Variants in POLA2 observed in about 807,000 individuals in gnomAD.
POLA2 encodes the protein DNA polymerase alpha subunit B.
Under a neutral mutation model 82.8 loss-of-function variants are expected in POLA2, and 47 were observed. That is an observed-to-expected ratio of 0.57 (90% CI 0.45 to 0.72). POLA2 has a LOEUF of 0.72. Among genes scored for constraint, POLA2 ranks in the 30% least tolerant of loss-of-function variants. The pLI is 0.00. For synonymous variants in POLA2, 287 were observed against 286.8 expected, an observed-to-expected ratio of 1.00 and a Z score of -0.01; for missense variants, 634 against 728.1, an observed-to-expected ratio of 0.87 and a Z score of 1.49.
At chr11:65,292,184 C>T (rs888432290) in intron 13 of POLA2, among the ~76,000 whole-genome samples, 2 of 152,064 alleles carry the variant, frequency 1.3e-5, no homozygotes, top group Admixed American at 6.5e-5. Flanking sequence ...TGCAATGAGC[C>T]GAGATCGCAC....
intron 14 of POLA2, 95 bp from the exon 15 acceptor site, chr11:65,294,451 G>A (rs1166472099): frequency 1.2e-5 from 13 of 1,124,850 alleles, no homozygotes; most frequent in South Asian, 2.7e-5. Context: ...CCCCCTTTCC[G>A]TGGTCTCCCC....
chr11:65,266,642 C>G lies in POLA2; in HGVS notation c.140C>G (p.Ala47Gly), dbSNP rs200613332. ...GAGGGAATGGTAGGCGAGCTTATAG[C>G]CTTCTGCACCAGCACACATAAAGTT... ...NEEGMVGELI[A>G]FCTSTHKVGL... The change falls in exon 2 of 18, where the codon GCC (alanine) becomes GGC (glycine). Residue 47 changes from alanine to glycine, a missense_variant. Physicochemically the swap from Ala to Gly is moderately conservative, Grantham distance 60 (BLOSUM62 0). Coordinates refer to ENST00000265465, the MANE Select transcript of POLA2 (RefSeq NM_002689.4). The G allele has an allele frequency of 1.1e-4, 178 of 1,613,736 alleles. No homozygotes were observed. Among genetic ancestry groups the G allele is most frequent in the Non-Finnish European group, 1.4e-4 (165 of 1,179,732 alleles).
chr11:65,287,906 T>G, intron 11 of POLA2, 66 bp downstream of exon 11: 2 of 1,510,114 alleles, frequency 1.3e-6, no homozygotes, highest in Non-Finnish European at 1.8e-6. Flanking sequence ...AAGTTCTAAA[T>G]TTTTAGGAAG....
rs373673074 is a variant in POLA2 at position 65,267,482 on chromosome 11, G to C, written c.210G>C (p.Leu70=). 12 of 1,604,548 alleles carry C rather than the reference G, an allele frequency of 7.5e-6. No individual in the cohort carries two copies. The highest frequency in any genetic ancestry group is 1.0e-5 in the Non-Finnish European group (12 of 1,174,266). ...CACTATCTTTTCTTTTTCAGTTTCT[G>C]AGCAAAAGATTATCGAAAGCCAGGC... is the stretch of plus-strand genomic sequence containing the variant. ...EILNSFEHEF[L]SKRLSKARHS... Residue 70 remains leucine, a synonymous_variant, in exon 3 of 18, where the codon CTG becomes CTC. Transcript: ENST00000265465.
At chr11:65,268,828 G>C in intron 4 of POLA2, 99 bp downstream of exon 4, 1 of 700,558 alleles carries the variant, frequency 1.4e-6, no homozygotes, top group Non-Finnish European at 2.4e-6. Context: ...CCACTCTCAT[G>C]CATTTCCTAC....
chr11:65,304,871 C>G (rs1949878359), intron 8 of POLA2, among the ~76,000 whole-genome samples: 1 of 152,166 alleles, frequency 6.6e-6, no homozygotes, highest in Non-Finnish European at 1.5e-5. Context: ...AGCACACGAA[C>G]AGGGCACGTG....
chr11:65,304,912 A>G (rs971068320), intron 8 of POLA2, among the ~76,000 whole-genome samples: 7 of 152,100 alleles, frequency 4.6e-5, no homozygotes, highest in Non-Finnish European at 7.4e-5. Context: ...GTCTATCACC[A>G]TGTGGTGTGG....
Position 65,294,552 on chromosome 11 carries a change from C to T in POLA2, c.1360C>T (p.Gln454Ter). The T allele has an allele frequency of 1.2e-6, 2 of 1,610,880 alleles. No individual in the cohort carries two copies. The highest frequency in any genetic ancestry group is 1.7e-6 in the Non-Finnish European group (2 of 1,177,580). Reference protein sequence around the residue: ...DLSREDKKQVQFVSEPCSLSI... With the variant: ...DLSREDKKQV ...CAATCCGTTCTCATTTTAGCAAGTA[C>T]AGTTTGTGTCCGAGCCCTGCAGCCT... is the stretch of plus-strand genomic sequence containing the variant. Residue 454 changes from glutamine to a stop codon, truncating the protein, a stop_gained, in exon 15 of 18, where the codon CAG (glutamine) becomes TAG (stop). Transcript: ENST00000265465. LOFTEE classifies it high-confidence loss of function.
At chr11:65,279,723 G>A in intron 7 of POLA2, 97 bp downstream of exon 7, 2 of 875,966 alleles carry the variant, frequency 2.3e-6, no homozygotes, top group Non-Finnish European at 3.7e-6. Flanking sequence ...CTTCTTGTCT[G>A]TGTTCTAGTT....
chr11:65,299,021 C>T (rs1421699734), downstream of POLA2, among the ~76,000 whole-genome samples: 2 of 152,254 alleles, frequency 1.3e-5, no homozygotes, highest in African/African-American at 4.8e-5. Context: ...GCCTCTGCCA[C>T]CAGACAGTTC....
In POLA2 at chr11:65,280,987, G is replaced by A. The variant is rs1326575969; in HGVS notation, c.745-5G>A. ...CATTCTTATGCTGTGACCTTCCTTT[G>A]GTAGGAGCCTGTCACTCTGCTGGGC... On this transcript the variant is annotated splice_polypyrimidine_tract_variant and splice_region_variant and intron_variant, in intron 7 of 17. Transcript: ENST00000265465. The A allele has an allele frequency of 6.2e-7, 1 of 1,613,286 alleles. No individual in the cohort carries two copies. The highest frequency in any genetic ancestry group is 8.5e-7 in the Non-Finnish European group (1 of 1,179,782).
chr11:65,301,302 A>G (rs1176537702), downstream of POLA2, among the ~76,000 whole-genome samples: 3 of 152,266 alleles, frequency 2.0e-5, no homozygotes, highest in Non-Finnish European at 4.4e-5. Flanking sequence ...TCTGCCCCAG[A>G]GAATCTTGGA....
chr11:65,289,758 A>G, intron 12 of POLA2, 41 bp from the exon 13 acceptor site: 1 of 1,338,596 alleles, frequency 7.5e-7, no homozygotes, highest in Non-Finnish European at 1.1e-6. Flanking sequence ...ATAAACACCA[A>G]ACATCTGCCG....
In POLA2 at chr11:65,266,700, G is replaced by A; in HGVS notation, c.198G>A (p.Glu66=). 1 of 1,614,078 alleles carries A rather than the reference G, an allele frequency of 6.2e-7. No individual in the cohort carries two copies. Among genetic ancestry groups the A allele is most frequent in the Non-Finnish European group, 8.5e-7 (1 of 1,179,976 alleles). The change falls in exon 2 of 18, where the codon GAG becomes GAA. Residue 66 remains glutamate, a synonymous_variant. Transcript: ENST00000265465. The part of the protein sequence containing the change: ...GLTSEILNSF[E]HEFLSKRLSK... ...CCTCAGAGATCCTGAACTCTTTTGAGCATGAGGTAAGAACAAAATGAAAGC... is the reference window on the plus strand; with the variant it reads ...CCTCAGAGATCCTGAACTCTTTTGAACATGAGGTAAGAACAAAATGAAAGC...
chr11:65,294,909 A>G, intron 15 of POLA2: 1 of 352,948 alleles, frequency 2.8e-6, no homozygotes, highest in Non-Finnish European at 5.1e-6. Flanking sequence ...TTTGCACTTA[A>G]AGGCATCAAA....
chr11:65,266,492 G>A (rs374013470), intron 1 of POLA2, 90 bp from the exon 2 acceptor site: 23 of 1,343,464 alleles, frequency 1.7e-5, no homozygotes, highest in East Asian at 1.7e-4. Flanking sequence ...AATAAACATT[G>A]ATGGAGTAAA....
chr11:65,278,870 C>CT lies in POLA2; in HGVS notation c.602_603insT (p.Leu202ThrfsTer22). ...CTGAAGGTCTTGGGATGTCCAGAGG[C>CT]ACTAACTGGGAGCTACAAATCCATG... On this transcript the variant is annotated frameshift_variant, in exon 6 of 18. Coordinates refer to ENST00000265465, the MANE Select transcript of POLA2 (RefSeq NM_002689.4). LOFTEE classifies it high-confidence loss of function. 6.2e-7 allele frequency: 1 copy of CT among 1,613,736 alleles called. No homozygotes were observed. The highest frequency in any genetic ancestry group is 2.2e-5 in the East Asian group (1 of 44,884).
At chr11:65,304,939 A>G (rs927075827) in intron 8 of POLA2, among the ~76,000 whole-genome samples, 1 of 152,004 alleles carries the variant, frequency 6.6e-6, no homozygotes, top group African/African-American at 2.4e-5. Context: ...GGCAGGCAGC[A>G]CATCATCCTG....
intron 10 of POLA2, among the ~76,000 whole-genome samples, chr11:65,286,411 TC>T (rs1246994550): frequency 4.0e-5 from 6 of 151,864 alleles, no homozygotes; most frequent in Admixed American, 2.6e-4. Context: ...CTTTTTTTTT[TC>T]TTTTTTTTTG....
Sources: gnomAD v4.1 joint callset for allele counts (sites outside exome capture counted in the v4.1 genomes callset) on GRCh38, gnomAD v4.1.1 for gene constraint, MANE v1.5 for transcripts, NCBI Gene and HGNC (gene_info 2026-07-23, HGNC 2026-07-21) for gene names.